The following PAX7 variants were observed in gnomAD, a reference collection of about 807,000 sequenced individuals.
The protein encoded by PAX7 is paired box protein Pax-7.
A neutral mutation model predicts 50.7 loss-of-function variants in PAX7; 18 were observed. The observed-to-expected ratio is 0.36, with a 90% confidence interval of 0.25 to 0.53. The LOEUF is 0.53. Among genes scored for constraint, PAX7 ranks in the 20% least tolerant of loss-of-function variants. The pLI, the probability that PAX7 is intolerant of heterozygous loss-of-function variation, is 0.93. For synonymous variants in PAX7, 310 were observed against 290.4 expected (o/e 1.07, Z -0.69); for missense variants, 644 against 702.9 (o/e 0.92, Z 0.95).
Position 18,634,562 on chromosome 1 carries a change from T to A in PAX7, c.321+24T>A. 1 of 1,601,988 alleles carries A rather than the reference T, an allele frequency of 6.2e-7. No homozygotes were observed. Among genetic ancestry groups the A allele is most frequent in the Middle Eastern group, 1.7e-4 (1 of 6,026 alleles). On this transcript the variant is annotated intron_variant, in intron 2 of 8. Coordinates refer to ENST00000420770, the MANE Select transcript of PAX7 (RefSeq NM_001135254.2). This position sits in a 1 kb window ranked among gnomAD's most constrained non-coding sequence, Gnocchi z 4.0. ...GAGTGAGTGTCTTTGCCACAGAGGC[T>A]GGCAGCTGGCTTCCTATAGTCGGGG... is the stretch of plus-strand genomic sequence containing the variant.
Position 18,638,035 on chromosome 1 carries a change from G to A in PAX7, c.586+1664G>A, listed in dbSNP as rs572040449. Among the ~76,000 whole-genome samples the A allele has an allele frequency of 7.9e-5, 12 of 152,382 alleles. No homozygotes were observed. The South Asian group carries it at 2.5e-3, about 32-fold the overall frequency. On this transcript the variant is annotated intron_variant, in intron 4 of 8. Coordinates refer to ENST00000420770, the MANE Select transcript of PAX7 (RefSeq NM_001135254.2). ...AAGGAGACTAGATGGACTTTTTGTG[G>A]GTTGTGGAGGGGAGGCATAGAACTC...
chr1:18,656,737 G>A (rs897010666), intron 4 of PAX7, among the ~76,000 whole-genome samples: 8 of 152,044 alleles, frequency 5.3e-5, no homozygotes, highest in Non-Finnish European at 1.5e-5. Context: ...GCTCATGCCT[G>A]TAATCCCAGC....
intron 2 of PAX7, 47 bp from the exon 3 acceptor site, chr1:18,635,064 C>G: frequency 1.9e-6 from 3 of 1,604,466 alleles, no homozygotes; most frequent in Non-Finnish European, 2.6e-6. Flanking sequence ...ATTTTCCTCC[C>G]CCCATCCCAT....
chr1:18,670,149 G>A (rs1209815259), intron 4 of PAX7, among the ~76,000 whole-genome samples: 1 of 150,918 alleles, frequency 6.6e-6, no homozygotes, highest in Non-Finnish European at 1.5e-5. Flanking sequence ...TTTATGAGCT[G>A]AAATTATCAC....
intron 4 of PAX7, among the ~76,000 whole-genome samples, chr1:18,641,327 G>T (rs2088250257): frequency 6.6e-6 from 1 of 152,242 alleles, no homozygotes; most frequent in Admixed American, 6.5e-5. Flanking sequence ...CGGAGGTCTG[G>T]GAAGGGGTGG....
At position 18,634,971 on chromosome 1, in the gene PAX7, C is replaced by A. The variant is rs988376122; in HGVS notation, c.322-140C>A. On this transcript the variant is annotated intron_variant, in intron 2 of 8. Coordinates refer to ENST00000420770, the MANE Select transcript of PAX7 (RefSeq NM_001135254.2). The surrounding 1 kb of genome is among the most constrained non-coding windows in gnomAD (Gnocchi z 4.0). ...GAACCGGTTTCTTGAAAGGATAAAG[C>A]CAATCTCTTGGGGGATGGGGGGACA... 5.5e-6 allele frequency: 6 copies of A among 1,090,038 alleles called. No homozygotes were observed. In the South Asian group the frequency reaches 7.0e-5, roughly 13 times the overall value. 67.5% of individuals were successfully genotyped at this position (1,090,038 alleles called of 1,614,324 possible). A position where few individuals can be genotyped will look rare whatever the true frequency, so the allele number is the denominator to read the frequency against.
At chr1:18,676,490 G>GGGGGA (rs773736626) in intron 4 of PAX7, among the ~76,000 whole-genome samples, 1 of 151,456 alleles carries the variant, frequency 6.6e-6, no homozygotes, top group Non-Finnish European at 1.5e-5. Flanking sequence ...ATGAGTGGCT[G>GGGGGA]GGGGAGGGGA....
intron 4 of PAX7, among the ~76,000 whole-genome samples, chr1:18,651,246 A>G (rs2088425450): frequency 6.6e-6 from 1 of 152,220 alleles, no homozygotes; most frequent in South Asian, 2.1e-4. Context: ...GATTTGTGTG[A>G]AATACATGAT....
rs2088150892 is a variant in PAX7, at chr1:18,636,107, G to A, written c.452-130G>A. 6.3e-6 allele frequency: 6 copies of A among 945,496 alleles called. No individual in the cohort carries two copies. In the South Asian group the frequency reaches 9.5e-5, roughly 15 times the overall value. 58.6% of individuals were successfully genotyped at this position (945,496 alleles called of 1,614,324 possible). A position where few individuals can be genotyped will look rare whatever the true frequency, so the allele number is the denominator to read the frequency against. On this transcript the variant is annotated intron_variant, in intron 3 of 8. Coordinates refer to ENST00000420770, the MANE Select transcript of PAX7 (RefSeq NM_001135254.2). This position sits in a 1 kb window ranked among gnomAD's most constrained non-coding sequence, Gnocchi z 5.1. ...CGTGTCAATGCCTAAATGCCTGTGT[G>A]TGGAAGAGGGATGAATGGATATCTG... is the stretch of plus-strand genomic sequence containing the variant.
chr1:18,734,032 C>T (rs764114625), intron 7 of PAX7, among the ~76,000 whole-genome samples: 2 of 152,164 alleles, frequency 1.3e-5, no homozygotes, highest in Non-Finnish European at 1.5e-5. Flanking sequence ...CGGAGGAGCT[C>T]GCTGTCTGTC....
rs549763251 is a variant in PAX7 at position 18,639,096 on chromosome 1, C to T, written c.586+2725C>T. ...CTTTAAGCACTAAAGAGAGATCCCTCCCTGAGTCCGTTTTTTCCTATCGTC... is the reference window on the plus strand; with the variant it reads ...CTTTAAGCACTAAAGAGAGATCCCTTCCTGAGTCCGTTTTTTCCTATCGTC... On this transcript the variant is annotated intron_variant, in intron 4 of 8. Coordinates refer to ENST00000420770, the MANE Select transcript of PAX7 (RefSeq NM_001135254.2). Among the ~76,000 whole-genome samples, 40 of 152,310 alleles carry T rather than the reference C, an allele frequency of 2.6e-4. No homozygotes were observed. In the South Asian group the frequency reaches 8.1e-3, roughly 31 times the overall value.
rs1019977899 is a variant in PAX7 at position 18,745,679 on chromosome 1, A to T, written c.*750A>T. The T allele has an allele frequency of 4.3e-6, 1 of 231,132 alleles. No individual in the cohort carries two copies. The highest frequency in any genetic ancestry group is 8.6e-6 in the Non-Finnish European group (1 of 116,820). The allele number at this position is 231,132 out of a possible 1,614,324, so 14.3% of individuals were successfully genotyped here. On this transcript the variant is annotated 3_prime_UTR_variant, in exon 9 of 9. Transcript: ENST00000420770. ...CTTGTCAGCCGTGGGCCCGCCCAGG[A>T]TACAAGGACCCAACTCAGGCTTCTG... is the stretch of plus-strand genomic sequence containing the variant.
intron 4 of PAX7, among the ~76,000 whole-genome samples, chr1:18,659,801 T>G (rs1182217671): frequency 6.6e-6 from 1 of 152,140 alleles, no homozygotes; most frequent in Non-Finnish European, 1.5e-5. Flanking sequence ...CTGGGATTGT[T>G]GCTCACCCTA....
In PAX7 at chr1:18,700,924, C is replaced by A. The variant is rs2089211087; in HGVS notation, c.952+106C>A. ...TTTTTTTATGACCATTTCTTACTTT[C>A]ATGTAAGCAGGCTATTGAGAGCAAA... On this transcript the variant is annotated intron_variant, in intron 6 of 8. Coordinates refer to ENST00000420770, the MANE Select transcript of PAX7 (RefSeq NM_001135254.2). This position sits in a 1 kb window ranked among gnomAD's most constrained non-coding sequence, Gnocchi z 4.8. 1 of 1,109,550 alleles carries A rather than the reference C, an allele frequency of 9.0e-7. No individual in the cohort carries two copies. The highest frequency in any genetic ancestry group is 4.0e-5 in the Admixed American group (1 of 25,246). 68.7% of individuals were successfully genotyped at this position (1,109,550 alleles called of 1,614,324 possible).
intron 4 of PAX7, among the ~76,000 whole-genome samples, chr1:18,686,484 G>A (rs904676987): frequency 5.3e-5 from 8 of 152,100 alleles, no homozygotes; most frequent in African/African-American, 1.2e-4. Context: ...TAATGAATGC[G>A]TTCCCATGTT....
intron 4 of PAX7, among the ~76,000 whole-genome samples, chr1:18,665,045 A>G (rs1230055385): frequency 6.6e-6 from 1 of 152,182 alleles, no homozygotes; most frequent in African/African-American, 2.4e-5. Flanking sequence ...TCTGTGCCTC[A>G]GTCTGCTCAC....
At chr1:18,740,677 C>T (rs1177096311) in intron 8 of PAX7, among the ~76,000 whole-genome samples, 1 of 152,108 alleles carries the variant, frequency 6.6e-6, no homozygotes, top group East Asian at 1.9e-4. Context: ...ATCAGTGTAT[C>T]AAAGGGATGC....
At chr1:18,689,168 G>C (rs558854554) in intron 4 of PAX7, among the ~76,000 whole-genome samples, 3 of 152,170 alleles carry the variant, frequency 2.0e-5, no homozygotes, top group African/African-American at 4.8e-5. Flanking sequence ...CCCCATCCAC[G>C]GGCTGGCCTC....
chr1:18,675,877 G>A (rs940181483), intron 4 of PAX7, among the ~76,000 whole-genome samples: 3 of 152,142 alleles, frequency 2.0e-5, no homozygotes, highest in Non-Finnish European at 4.4e-5. Context: ...GATGCAGCAG[G>A]CCCCAGGGTC....
Sources: gnomAD v4.1 joint callset for allele counts (sites outside exome capture counted in the v4.1 genomes callset) on GRCh38, gnomAD v4.1.1 for gene constraint, Gnocchi (gnomAD v3.1) non-coding constraint, MANE v1.5 for transcripts, NCBI Gene and HGNC (gene_info 2026-07-23, HGNC 2026-07-21) for gene names.